AGBL4: variants seen among roughly 807,000 people sequenced by gnomAD.
AGBL4 encodes the protein AGBL carboxypeptidase 4.
AGBL4 carries 58 observed loss-of-function variants against 66.4 expected under a neutral mutation model. The ratio of observed to expected loss-of-function variants is 0.87; its 90% confidence interval spans 0.71 to 1.09. AGBL4 has a LOEUF of 1.09. Ranked by LOEUF, AGBL4 falls within the 50% of genes least tolerant of loss-of-function variation. The pLI, the probability that AGBL4 is intolerant of heterozygous loss-of-function variation, is 0.00. For synonymous variants in AGBL4, 234 were observed against 222.9 expected (o/e 1.05, Z -0.44); for missense variants, 579 against 631.0 (o/e 0.92, Z 0.88).
intron 3 of AGBL4, among the ~76,000 whole-genome samples, chr1:49,394,241 T>C (rs147809249): frequency 5.3e-5 from 8 of 152,180 alleles, no homozygotes; most frequent in Middle Eastern, 3.4e-3. Context: ...ATTGATTTTC[T>C]AGTGGCAGCA....
intron 3 of AGBL4, among the ~76,000 whole-genome samples, chr1:49,541,072 T>C (rs1308241510): frequency 6.6e-6 from 1 of 152,216 alleles, no homozygotes; most frequent in East Asian, 1.9e-4. Context: ...AGTTTCCTTT[T>C]CAGTAAAATG....
intron 2 of AGBL4, among the ~76,000 whole-genome samples, chr1:49,710,723 A>T (rs1248287279): frequency 6.6e-6 from 1 of 151,872 alleles, no homozygotes; most frequent in East Asian, 1.9e-4. Context: ...AAAAACTAAT[A>T]AACTGAACTT....
intron 11 of AGBL4, among the ~76,000 whole-genome samples, chr1:48,546,237 T>G (rs2148273704): frequency 6.6e-6 from 1 of 152,226 alleles, no homozygotes; most frequent in East Asian, 1.9e-4. Flanking sequence ...ACATAACTAA[T>G]TCAGAGTCTC....
intron 4 of AGBL4, among the ~76,000 whole-genome samples, chr1:49,207,684 C>T (rs781278341): frequency 2.0e-5 from 3 of 151,164 alleles, no homozygotes; most frequent in Non-Finnish European, 2.9e-5. Context: ...CTTGACTTCC[C>T]GGGGTCCAGT....
At chr1:48,758,854 G>T in intron 6 of AGBL4, 1 of 1,439,348 alleles carries the variant, frequency 6.9e-7, no homozygotes, top group South Asian at 1.4e-5. Flanking sequence ...TCTGCATGAA[G>T]TATTTCACCC....
intron 4 of AGBL4, among the ~76,000 whole-genome samples, chr1:49,240,480 C>A (rs755948667): frequency 6.6e-6 from 1 of 151,866 alleles, no homozygotes; most frequent in African/African-American, 2.4e-5. Flanking sequence ...ACCTAGGTAG[C>A]AGTTGGCAGT....
At position 48,969,371 on chromosome 1, in the gene AGBL4, G is replaced by A. The variant is rs888562453; in HGVS notation, c.594+76213C>T. On this transcript the variant is annotated intron_variant, in intron 5 of 13. Transcript: ENST00000371839. ...ACTCTTTGCAGTCTCCTTTTTCAAA[G>A]GCTATTCCACAGTTCTCCCTGCCAT... Among the ~76,000 whole-genome samples the A allele has an allele frequency of 2.6e-5, 4 of 151,978 alleles. No homozygotes were observed. The East Asian group carries it at 7.7e-4, about 29-fold the overall frequency.
intron 7 of AGBL4, among the ~76,000 whole-genome samples, chr1:48,659,119 TG>T: frequency 6.6e-6 from 1 of 152,254 alleles, no homozygotes; most frequent in Non-Finnish European, 1.5e-5. Flanking sequence ...CCCAGTGACC[TG>T]GTGGAATTCC....
At chr1:48,594,893 G>T (rs1644972342) in intron 9 of AGBL4, among the ~76,000 whole-genome samples, 1 of 151,980 alleles carries the variant, frequency 6.6e-6, no homozygotes, top group East Asian at 1.9e-4. Flanking sequence ...TTGCCCTTCT[G>T]CATGGGTAGC....
chr1:49,466,230 G>T (rs917621720), intron 3 of AGBL4, among the ~76,000 whole-genome samples: 63 of 151,822 alleles, frequency 4.1e-4, no homozygotes, highest in African/African-American at 1.5e-3. Flanking sequence ...ATGTTCTTGA[G>T]AATCATTTTA....
chr1:49,438,062 T>C (rs554672091), intron 3 of AGBL4, among the ~76,000 whole-genome samples: 5 of 152,302 alleles, frequency 3.3e-5, no homozygotes, highest in Non-Finnish European at 5.9e-5. Flanking sequence ...TATCTTTTAA[T>C]CTTCACAATC....
chr1:49,958,535 T>C (rs549477139), intron 1 of AGBL4, among the ~76,000 whole-genome samples: 5 of 152,104 alleles, frequency 3.3e-5, no homozygotes, highest in African/African-American at 2.4e-5. Flanking sequence ...TAAGTTCATG[T>C]CCTTTCTAGG....
intron 3 of AGBL4, among the ~76,000 whole-genome samples, chr1:49,472,645 G>A (rs1014681502): frequency 6.6e-6 from 1 of 151,824 alleles, no homozygotes; most frequent in Non-Finnish European, 1.5e-5. Context: ...GCTTTGTTTT[G>A]TTTAGTTTTT....
intron 6 of AGBL4, among the ~76,000 whole-genome samples, chr1:48,693,690 A>G (rs180986991): frequency 5.8e-4 from 89 of 152,232 alleles, no homozygotes; most frequent in Non-Finnish European, 1.1e-3. Flanking sequence ...AGGATCCAAG[A>G]ACAAGCCTGG....
chr1:49,166,710 A>G (rs1190784544), intron 4 of AGBL4, among the ~76,000 whole-genome samples: 1 of 152,146 alleles, frequency 6.6e-6, no homozygotes, highest in Admixed American at 6.6e-5. Flanking sequence ...ATTTCCAAAT[A>G]TATCACCTTT....
chr1:49,283,260 C>T (rs979330042), intron 3 of AGBL4, among the ~76,000 whole-genome samples: 1 of 152,180 alleles, frequency 6.6e-6, no homozygotes, highest in Non-Finnish European at 1.5e-5. Flanking sequence ...AGCAGGGGCA[C>T]ACTGACACCT....
chr1:49,052,632 C>A (rs1644240659), intron 4 of AGBL4, among the ~76,000 whole-genome samples: 1 of 152,036 alleles, frequency 6.6e-6, no homozygotes, highest in African/African-American at 2.4e-5. Context: ...AGGTGGTAGA[C>A]CATAGCTGAA....
chr1:48,856,378 G>A (rs1040048434), intron 6 of AGBL4, among the ~76,000 whole-genome samples: 9 of 152,274 alleles, frequency 5.9e-5, no homozygotes, highest in Non-Finnish European at 1.0e-4. Context: ...AATAGAATTC[G>A]ATTTTGTATT....
At chr1:48,829,608 CAGAG>C (rs1460332553) in intron 6 of AGBL4, among the ~76,000 whole-genome samples, 1 of 151,950 alleles carries the variant, frequency 6.6e-6, no homozygotes, top group East Asian at 1.9e-4. Context: ...TATAACCAGT[CAGAG>C]AGAGGCTGAA....
Sources: gnomAD v4.1 joint callset for allele counts (sites outside exome capture counted in the v4.1 genomes callset) on GRCh38, gnomAD v4.1.1 for gene constraint, MANE v1.5 for transcripts, NCBI Gene and HGNC (gene_info 2026-07-23, HGNC 2026-07-21) for gene names.